The following AP3D1 variants were observed in gnomAD, a reference collection of about 807,000 sequenced individuals.
AP3D1 encodes the protein AP-3 complex subunit delta-1.
A neutral mutation model predicts 147.6 loss-of-function variants in AP3D1; 51 were observed. The observed-to-expected ratio is 0.35, with a 90% confidence interval of 0.28 to 0.44. AP3D1 has a LOEUF of 0.44. AP3D1 is among the 20% of genes least tolerant of loss of function. The pLI, the probability that AP3D1 is intolerant of heterozygous loss-of-function variation, is 1.00. For synonymous variants in AP3D1, 760 were observed against 663.0 expected (o/e 1.15, Z -2.25); for missense variants, 1,421 against 1,624.2 (o/e 0.87, Z 2.15).
intron 1 of AP3D1, among the ~76,000 whole-genome samples, chr19:2,139,761 G>A (rs993367017): frequency 1.3e-5 from 2 of 152,320 alleles, no homozygotes; most frequent in South Asian, 2.1e-4. Flanking sequence ...CAGCCCCTAC[G>A]TCGGGATGCA....
intron 4 of AP3D1, among the ~76,000 whole-genome samples, chr19:2,134,788 A>C (rs2019036250): frequency 6.6e-6 from 1 of 150,602 alleles, no homozygotes; most frequent in Non-Finnish European, 1.5e-5. Flanking sequence ...TTTAGTACAG[A>C]CGGGGTTTCA....
intron 4 of AP3D1, among the ~76,000 whole-genome samples, chr19:2,135,536 A>C (rs2019053415): frequency 6.6e-6 from 1 of 151,528 alleles, no homozygotes; most frequent in Non-Finnish European, 1.5e-5. Flanking sequence ...ACTCAGTCTC[A>C]AAACAAAACA....
At chr19:2,127,600 C>G (rs747718821) in intron 8 of AP3D1, among the ~76,000 whole-genome samples, 5 of 152,256 alleles carry the variant, frequency 3.3e-5, no homozygotes, top group Non-Finnish European at 7.3e-5. Flanking sequence ...CCTCGGCTCA[C>G]TGCGACCTCC....
chr19:2,132,232 G>A (rs528173908), intron 5 of AP3D1, among the ~76,000 whole-genome samples: 26 of 152,308 alleles, frequency 1.7e-4, no homozygotes, highest in African/African-American at 6.0e-4. Context: ...GGCCTGTCAG[G>A]GACACCCTGT....
chr19:2,143,198 G>T, intron 1 of AP3D1, among the ~76,000 whole-genome samples: 1 of 150,318 alleles, frequency 6.7e-6, no homozygotes. Context: ...CAAGCAGCTA[G>T]GACTACAGGC....
rs376936910 is a variant in AP3D1, at chr19:2,116,216, C to T, written c.2064G>A (p.Ser688=). 51 of 1,613,992 alleles carry T rather than the reference C, an allele frequency of 3.2e-5. No individual in the cohort carries two copies. Among genetic ancestry groups the T allele is most frequent in the African/African-American group, 2.7e-4 (20 of 74,942 alleles). Residue 688 remains serine (S), a synonymous_variant, in exon 18 of 32, where the codon TCG becomes TCA. Coordinates refer to ENST00000643116, the MANE Select transcript of AP3D1 (RefSeq NM_001261826.3). ...NNPFYIKSSP[S]PQKRYQDTPG... ...CGGGGACGGGCCTCACCTTCTGTGG[C>T]GATGGCGAGCTCTTGATGTAGAAGG...
intron 1 of AP3D1, among the ~76,000 whole-genome samples, chr19:2,163,741 C>G (rs1169890113): frequency 6.6e-6 from 1 of 151,648 alleles, no homozygotes; most frequent in Non-Finnish European, 1.5e-5. Flanking sequence ...AGGGGTCGGC[C>G]GAGGGCAACC....
rs1568296509 is a variant in AP3D1, at chr19:2,130,280, C to A, written c.592+128G>T. ...CAAGGGGAGGCCCAGCCACCTCCAA[C>A]AGGCATGTTCCTGGACTGAGCCCTT... On this transcript the variant is annotated intron_variant, in intron 6 of 31. Coordinates refer to ENST00000643116, the MANE Select transcript of AP3D1 (RefSeq NM_001261826.3). 10 of 1,416,854 alleles carry A rather than the reference C, an allele frequency of 7.1e-6. No homozygotes were observed. In the South Asian group the frequency reaches 1.4e-4, roughly 19 times the overall value. 87.8% of individuals were successfully genotyped at this position (1,416,854 alleles called of 1,614,324 possible).
At chr19:2,127,548 G>A (rs1183006008) in intron 8 of AP3D1, among the ~76,000 whole-genome samples, 3 of 152,122 alleles carry the variant, frequency 2.0e-5, no homozygotes, top group Non-Finnish European at 4.4e-5. Flanking sequence ...TTTCTGAGAC[G>A]GAGTCTCGCT....
chr19:2,114,347 C>A (rs372106714), intron 21 of AP3D1, 45 bp from the exon 22 acceptor site: 3 of 1,504,838 alleles, frequency 2.0e-6, no homozygotes, highest in African/African-American at 1.4e-5. Flanking sequence ...CACTGGCCAC[C>A]CCCCAGGACC....
intron 25 of AP3D1, 31 bp from the exon 26 acceptor site, chr19:2,111,363 G>C (rs369313235): frequency 1.9e-6 from 3 of 1,613,434 alleles, no homozygotes; most frequent in Non-Finnish European, 2.5e-6. Flanking sequence ...TCAGCCTTGG[G>C]GGCCCCGAGC....
intron 9 of AP3D1, among the ~76,000 whole-genome samples, chr19:2,126,652 CAAAA>C (rs58063456): frequency 5.0e-5 from 3 of 59,624 alleles, no homozygotes; most frequent in Admixed American, 1.9e-4. Context: ...GACTCTGCCT[CAAAA>C]AAAAAAAAAA....
chr19:2,111,677 A>G lies in AP3D1; in HGVS notation c.2937+2T>C. 6.3e-7 allele frequency: 1 copy of G among 1,585,060 alleles called. No homozygotes were observed. Among genetic ancestry groups the G allele is most frequent in the Non-Finnish European group, 8.6e-7 (1 of 1,168,784 alleles). On this transcript the variant is annotated splice_donor_variant, in intron 25 of 31. Transcript: ENST00000643116. LOFTEE classifies it high-confidence loss of function. Reference sequence around the variant, plus strand: ...GGGCGGGGGCGCTGAAGTACCCCTCACCGGGAGCTGCTCCTCCTCTGGCGC... The same window carrying G: ...GGGCGGGGGCGCTGAAGTACCCCTCGCCGGGAGCTGCTCCTCCTCTGGCGC...
rs564009118 is a variant in AP3D1, at chr19:2,116,714, A to G, written c.1892T>C (p.Leu631Pro). ...LDLDAWINEP[L>P]SDSESEDERP... ...CTCGTCCTCTGACTCGCTGTCCGAG[A>G]GTGGCTCATTGATCCAGGCGTCCAG... Residue 631 changes from leucine to proline, a missense_variant, in exon 17 of 32, where the codon CTC becomes CCC. Physicochemically the swap from Leu to Pro is moderately conservative, Grantham distance 98 (BLOSUM62 -3). Around this residue, in one of 6 missense-constraint regions of AP3D1, gnomAD observed 791 missense variants for 761.4 expected, o/e 1.04. Transcript: ENST00000643116. The G allele has an allele frequency of 2.3e-5, 37 of 1,612,012 alleles. 1 individual carries two copies. In the African/African-American group the frequency reaches 4.7e-4, roughly 20 times the overall value.
At chr19:2,111,241 G>C (rs1432990714) in intron 26 of AP3D1, 44 bp downstream of exon 26, 1 of 1,610,994 alleles carries the variant, frequency 6.2e-7, no homozygotes, top group Non-Finnish European at 8.5e-7. Flanking sequence ...ATGCCAAAGA[G>C]TGTGGGCTGG....
In AP3D1 at chr19:2,117,346, C is replaced by T; in HGVS notation, c.1735G>A (p.Val579Ile). The change falls in exon 16 of 32, where the codon GTC becomes ATC. Residue 579 changes from valine to isoleucine, a missense_variant. Transcript: ENST00000643116. ...GCCTGAAGCTTCTGGATGTGCTTGA[C>T]CAGCTGCAGGATGCAGGACGCCTGT... is the stretch of plus-strand genomic sequence containing the variant. ...QERASCILQL[V>I]KHIQKLQAKD... The T allele has an allele frequency of 6.2e-7, 1 of 1,609,498 alleles. No individual in the cohort carries two copies. The highest frequency in any genetic ancestry group is 8.5e-7 in the Non-Finnish European group (1 of 1,178,522).
At chr19:2,111,980 G>C (rs2018295057) in intron 24 of AP3D1, 152 bp from the exon 25 acceptor site, 1 of 1,286,306 alleles carries the variant, frequency 7.8e-7, no homozygotes, top group African/African-American at 1.5e-5. Flanking sequence ...AGGCCTACCG[G>C]GACAAGCTCA....
At chr19:2,125,306 TTTTTG>T (rs1309614661) in intron 9 of AP3D1, among the ~76,000 whole-genome samples, 3 of 152,114 alleles carry the variant, frequency 2.0e-5, no homozygotes, top group Non-Finnish European at 2.9e-5. Context: ...GAGTGTTGTT[TTTTTG>T]TTTTGTTTTG....
intron 8 of AP3D1, among the ~76,000 whole-genome samples, chr19:2,128,091 G>A (rs373028870): frequency 2.4e-4 from 36 of 152,302 alleles, no homozygotes; most frequent in African/African-American, 6.7e-4. Context: ...TGGCGATGAC[G>A]CCTCTGCCTG....
Sources: gnomAD v4.1 joint callset for allele counts (sites outside exome capture counted in the v4.1 genomes callset) on GRCh38, gnomAD v4.1.1 for gene constraint, gnomAD v4.1.1 regional missense constraint, MANE v1.5 for transcripts, NCBI Gene and HGNC (gene_info 2026-07-23, HGNC 2026-07-21) for gene names.